The following SORL1 variants were observed in gnomAD, a reference collection of about 807,000 sequenced individuals.
SORL1 encodes sortilin related receptor 1.
A neutral mutation model predicts 273.7 loss-of-function variants in SORL1; 127 were observed. That is an observed-to-expected ratio of 0.46 (90% CI 0.40 to 0.54). The LOEUF is 0.54. SORL1 is among the 20% of genes least tolerant of loss of function. The pLI, the probability that SORL1 is intolerant of heterozygous loss-of-function variation, is 0.00. For missense variants in SORL1, 2,494 were observed against 2,846.1 expected (o/e 0.88, Z 2.81); for synonymous variants, 1,031 against 1,067.4 (o/e 0.97, Z 0.66).
intron 6 of SORL1, among the ~76,000 whole-genome samples, chr11:121,511,613 A>T (rs1210303830): frequency 6.6e-6 from 1 of 152,186 alleles, no homozygotes. Context: ...ACAAGCTATT[A>T]ATATGGTTTT....
In SORL1 at chr11:121,629,632, T is replaced by C. The variant is rs1863846494; in HGVS notation, c.*69T>C. ...TTGATAAAGATAGTTGATGGTTTATTTTAAAAGATGCACTTTGAGTTGCAA... is the reference window on the plus strand; with the variant it reads ...TTGATAAAGATAGTTGATGGTTTATCTTAAAAGATGCACTTTGAGTTGCAA... On this transcript the variant is annotated 3_prime_UTR_variant, in exon 48 of 48. Coordinates refer to ENST00000260197, the MANE Select transcript of SORL1 (RefSeq NM_003105.6). The C allele has an allele frequency of 1.2e-6, 1 of 802,458 alleles. No individual in the cohort carries two copies. The highest frequency in any genetic ancestry group is 2.2e-6 in the Non-Finnish European group (1 of 456,550). 49.7% of individuals were successfully genotyped at this position (802,458 alleles called of 1,614,324 possible).
At chr11:121,549,723 GAT>G (rs1491428476) in intron 14 of SORL1, among the ~76,000 whole-genome samples, 1 of 127,196 alleles carries the variant, frequency 7.9e-6, no homozygotes, top group East Asian at 2.4e-4. Flanking sequence ...TTGGCATGAT[GAT>G]TTTTTTTTTT....
intron 6 of SORL1, among the ~76,000 whole-genome samples, chr11:121,507,308 A>G (rs901019207): frequency 6.6e-6 from 1 of 152,012 alleles, no homozygotes; most frequent in Non-Finnish European, 1.5e-5. Context: ...GACTGGATTT[A>G]TGTTTTTTAT....
intron 24 of SORL1, among the ~76,000 whole-genome samples, chr11:121,574,659 A>G (rs1178461496): frequency 6.6e-6 from 1 of 152,176 alleles, no homozygotes; most frequent in African/African-American, 2.4e-5. Context: ...CTCTGGATCA[A>G]GTGTCTCCAG....
In SORL1 at chr11:121,543,534, T is replaced by G; in HGVS notation, c.1686-14T>G. 1.3e-6 allele frequency: 2 copies of G among 1,596,464 alleles called. No homozygotes were observed. The highest frequency in any genetic ancestry group is 1.7e-6 in the Non-Finnish European group (2 of 1,165,774). On this transcript the variant is annotated splice_polypyrimidine_tract_variant and intron_variant, in intron 12 of 47. Transcript: ENST00000260197. ...ACTTTCACTGCAAGGATTCTCTTAC[T>G]TGCATTTGGGCAGATACAGTACCAA...
intron 43 of SORL1, among the ~76,000 whole-genome samples, chr11:121,620,150 C>G (rs1174699967): frequency 1.3e-5 from 2 of 152,248 alleles, no homozygotes; most frequent in East Asian, 3.8e-4. Context: ...CCCTCTTTCT[C>G]CTCCGCTGCT....
At chr11:121,605,673 C>G (rs1017049608) in intron 35 of SORL1, 102 bp downstream of exon 35, 3 of 909,954 alleles carry the variant, frequency 3.3e-6, no homozygotes, top group Non-Finnish European at 1.7e-6. Flanking sequence ...ATATGTGTGC[C>G]TCACATGTAC....
At chr11:121,584,530 A>G (rs1863064017) in intron 26 of SORL1, among the ~76,000 whole-genome samples, 1 of 152,166 alleles carries the variant, frequency 6.6e-6, no homozygotes, top group South Asian at 2.1e-4. Context: ...CTAATCCTCA[A>G]GGAACTATTC....
rs1863450309 is a variant in SORL1, at chr11:121,605,155, C to T, written c.4694C>T (p.Ala1565Val). 4 of 1,613,334 alleles carry T rather than the reference C, an allele frequency of 2.5e-6. No individual in the cohort carries two copies. ...AAAGTACAGAATCTTCAGTGGACAG[C>T]TGACTTCTCTGGGGATGTGACTTTG... ...VYKVQNLQWT[A>V]DFSGDVTLTW... The change falls in exon 34 of 48, where the codon GCT (alanine) becomes GTT (valine). Residue 1565 changes from alanine to valine, a missense_variant. This residue lies in a region of SORL1 where 1,609 missense variants were observed against 1,816.4 expected (regional missense o/e 0.89). Transcript: ENST00000260197.
chr11:121,472,085 C>T (rs995583607), intron 2 of SORL1, among the ~76,000 whole-genome samples: 4 of 152,140 alleles, frequency 2.6e-5, no homozygotes, highest in East Asian at 3.8e-4. Flanking sequence ...TTCAAGGCTG[C>T]GGTGACCTAT....
chr11:121,593,856 TC>T (rs1863252505), intron 31 of SORL1, among the ~76,000 whole-genome samples: 1 of 152,198 alleles, frequency 6.6e-6, no homozygotes. Flanking sequence ...GTTTTCTGTG[TC>T]CCAGTTTTTC....
intron 25 of SORL1, among the ~76,000 whole-genome samples, chr11:121,581,440 A>G (rs1052624699): frequency 8.5e-5 from 13 of 152,220 alleles, no homozygotes; most frequent in African/African-American, 2.9e-4. Flanking sequence ...TACCACACGA[A>G]CTTCACCATT....
chr11:121,576,040 C>T (rs1022260826), intron 24 of SORL1, among the ~76,000 whole-genome samples: 1 of 152,222 alleles, frequency 6.6e-6, no homozygotes, highest in African/African-American at 2.4e-5. Flanking sequence ...ATCAACAAGC[C>T]TCTTGGCGAG....
chr11:121,545,575 A>G, intron 14 of SORL1, 146 bp downstream of exon 14: 1 of 755,264 alleles, frequency 1.3e-6, no homozygotes, highest in Non-Finnish European at 2.1e-6. Flanking sequence ...TTTATGTGCC[A>G]GGAACTGTGC....
In SORL1 at chr11:121,596,565, G is replaced by A. The variant is rs776985007; in HGVS notation, c.4519+793G>A. Among the ~76,000 whole-genome samples the A allele has an allele frequency of 2.0e-5, 3 of 152,184 alleles. No individual in the cohort carries two copies. Among genetic ancestry groups the A allele is most frequent in the Non-Finnish European group, 4.4e-5 (3 of 68,024 alleles). On this transcript the variant is annotated intron_variant, in intron 32 of 47. Coordinates refer to ENST00000260197, the MANE Select transcript of SORL1 (RefSeq NM_003105.6). This position sits in a 1 kb window ranked among gnomAD's most constrained non-coding sequence, Gnocchi z 4.3. Reference sequence around the variant, plus strand: ...CCACCGGCCTGCCTCTCTGACGGTTGGGTGCTGCTCTGGCTCGGGGATCCC... The same window carrying A: ...CCACCGGCCTGCCTCTCTGACGGTTAGGTGCTGCTCTGGCTCGGGGATCCC...
intron 21 of SORL1, among the ~76,000 whole-genome samples, chr11:121,564,793 G>A (rs1284740533): frequency 1.3e-5 from 2 of 151,736 alleles, no homozygotes; most frequent in Non-Finnish European, 2.9e-5. Flanking sequence ...GGGTGGTCTC[G>A]AACTCCTGGG....
intron 8 of SORL1, among the ~76,000 whole-genome samples, chr11:121,515,587 C>G (rs1861938093): frequency 6.6e-6 from 1 of 152,164 alleles, no homozygotes. Context: ...GAGAGCAGGG[C>G]TCAGATCCTA....
rs903393786 is a variant in SORL1, at chr11:121,633,746, C to T, written c.*4183C>T. The T allele has an allele frequency of 4.6e-5, 7 of 152,170 alleles. No individual in the cohort carries two copies. Among genetic ancestry groups the T allele is most frequent in the Admixed American group, 1.3e-4 (2 of 15,274 alleles). 9.4% of individuals were successfully genotyped at this position (152,170 alleles called of 1,614,324 possible). On this transcript the variant is annotated 3_prime_UTR_variant, in exon 48 of 48. Transcript: ENST00000260197. ...TTTAGAGCGCAATAAAGATGGCTGA[C>T]GCAGTCTCCAAACCCCATTTGATTG...
intron 11 of SORL1, among the ~76,000 whole-genome samples, chr11:121,526,750 A>G (rs1352169726): frequency 2.0e-5 from 3 of 152,114 alleles, no homozygotes; most frequent in East Asian, 1.9e-4. Context: ...TTGCTCTAGT[A>G]TATAAAAATA....
Sources: allele counts gnomAD v4.1 joint callset (sites outside exome capture counted in the v4.1 genomes callset), GRCh38; gene constraint gnomAD v4.1.1; regional missense constraint gnomAD v4.1.1; non-coding constraint Gnocchi (gnomAD v3.1); transcripts MANE v1.5; gene names NCBI Gene and HGNC (gene_info 2026-07-23, HGNC 2026-07-21).